Variants in APC observed in about 807,000 individuals in gnomAD.
APC encodes adenomatous polyposis coli protein.
A neutral mutation model predicts 247.0 loss-of-function variants in APC; 72 were observed. The ratio of observed to expected loss-of-function variants is 0.29; its 90% CI spans 0.24 to 0.35. The LOEUF (loss-of-function observed/expected upper bound fraction) is 0.35. Among genes scored for constraint, APC ranks in the 10% least tolerant of loss-of-function variants. The pLI is 1.00. For missense variants in APC, 3,400 were observed against 3,360.7 expected (o/e 1.01, Z -0.29); for synonymous variants, 1,254 against 1,162.5 (o/e 1.08, Z -1.60).
intron 8 of APC, among the ~76,000 whole-genome samples, chr5:112,805,578 A>G (rs1272725701): frequency 2.0e-5 from 3 of 152,238 alleles, no homozygotes; most frequent in Non-Finnish European, 4.4e-5. Context: ...AGCTATTCCC[A>G]GATCCTGATG....
intron 11 of APC, among the ~76,000 whole-genome samples, chr5:112,825,568 C>G (rs373446610): frequency 2.2e-4 from 34 of 152,260 alleles, no homozygotes; most frequent in African/African-American, 6.7e-4. Flanking sequence ...ACGCATTCAT[C>G]TGGCCAGACC....
chr5:112,823,428 TCTCA>T (rs1480046457), intron 11 of APC: 2 of 152,612 alleles, frequency 1.3e-5, no homozygotes, highest in Admixed American at 1.3e-4. Context: ...ATTACCTTCT[TCTCA>T]CTCCTCACCT....
upstream of APC, chr5:112,737,838 G>A: frequency 3.0e-6 from 3 of 985,656 alleles, no homozygotes; most frequent in Non-Finnish European, 3.6e-6. Flanking sequence ...GGGTGTGGGC[G>A]CACGTGACCG....
chr5:112,743,408 A>T (rs1753267102), intron 1 of APC, among the ~76,000 whole-genome samples: 1 of 135,336 alleles, frequency 7.4e-6, no homozygotes, highest in African/African-American at 2.6e-5. Flanking sequence ...AGGCATACTC[A>T]TCTGGTTCTC....
intron 1 of APC, among the ~76,000 whole-genome samples, chr5:112,728,071 A>AT (rs980244169): frequency 1.3e-5 from 2 of 151,558 alleles, no homozygotes; most frequent in East Asian, 1.9e-4. Flanking sequence ...ACATTATGAG[A>AT]TTTTTTTGCA....
intron 7 of APC, among the ~76,000 whole-genome samples, chr5:112,798,684 T>C (rs1481512749): frequency 6.6e-6 from 1 of 152,188 alleles, no homozygotes; most frequent in Non-Finnish European, 1.5e-5. Flanking sequence ...TTCTTTTGTC[T>C]TCAGTGTATC....
At chr5:112,761,154 C>T (rs898740770) in intron 2 of APC, among the ~76,000 whole-genome samples, 1 of 152,054 alleles carries the variant, frequency 6.6e-6, no homozygotes, top group South Asian at 2.1e-4. Flanking sequence ...GGAGATCAGA[C>T]CCCAACAATG....
intron 14 of APC, among the ~76,000 whole-genome samples, chr5:112,833,180 A>AT (rs35482005): frequency 0.013 from 1,543 of 122,190 alleles, 19 homozygotes; most frequent in African/African-American, 0.037. Flanking sequence ...TGCCTGGCTA[A>AT]TTTTTTTTTT....
chr5:112,746,144 A>G (rs984004114), intron 1 of APC, among the ~76,000 whole-genome samples: 6 of 151,686 alleles, frequency 4.0e-5, no homozygotes, highest in African/African-American at 1.5e-4. Flanking sequence ...GAGGAAAGAA[A>G]TAGTTTACTA....
At position 112,838,745 on chromosome 5, in the gene APC, A is replaced by C. The variant is rs757981620; in HGVS notation, c.3151A>C (p.Arg1051=). ...TCCTTCACAGAATGAAAGATGGGCA[A>C]GACCCAAACACATAATAGAAGATGA... The part of the protein sequence containing the change: ...QSPSQNERWA[R]PKHIIEDEIK... Residue 1051 remains arginine (R), a synonymous_variant, in exon 16 of 16, where the codon AGA becomes CGA. Transcript: ENST00000257430. The C allele has an allele frequency of 4.3e-6, 7 of 1,614,172 alleles. No homozygotes were observed. The highest frequency in any genetic ancestry group is 5.9e-6 in the Non-Finnish European group (7 of 1,180,022).
At chr5:112,768,825 AGAACACAGTCCTGTACAGTAG>A (rs1756678061) in intron 4 of APC, among the ~76,000 whole-genome samples, 8 of 152,048 alleles carry the variant, frequency 5.3e-5, no homozygotes, top group African/African-American at 1.9e-4. Context: ...ACAGTAGCGT[AGAACACAGTCCTGTACAGTAG>A]CGTAGAACAC....
chr5:112,714,901 T>A (rs1272649365), intron 1 of APC, among the ~76,000 whole-genome samples: 1 of 152,176 alleles, frequency 6.6e-6, no homozygotes, highest in Non-Finnish European at 1.5e-5. Flanking sequence ...GATAACTGTT[T>A]ATGGAATTAG....
At chr5:112,763,242 AT>A (rs201229142) in intron 2 of APC, among the ~76,000 whole-genome samples, 1 of 151,336 alleles carries the variant, frequency 6.6e-6, no homozygotes, top group African/African-American at 2.4e-5. Flanking sequence ...AAAATCAACT[AT>A]TTTTTTTTAA....
intron 1 of APC, among the ~76,000 whole-genome samples, chr5:112,710,118 T>C (rs1750765072): frequency 6.6e-6 from 1 of 152,186 alleles, no homozygotes; most frequent in Non-Finnish European, 1.5e-5. Flanking sequence ...CTTCACTTTC[T>C]GTAGACTTAC....
At chr5:112,814,721 C>A (rs758329457) in intron 8 of APC, among the ~76,000 whole-genome samples, 9 of 152,150 alleles carry the variant, frequency 5.9e-5, no homozygotes, top group Non-Finnish European at 1.3e-4. Flanking sequence ...TCCAGTGACT[C>A]CACAGCTTGA....
At chr5:112,734,795 T>TG (rs1752285799), upstream of APC, among the ~76,000 whole-genome samples, 3 of 144,986 alleles carry the variant, frequency 2.1e-5, no homozygotes, top group African/African-American at 7.7e-5. Context: ...GTGTGTGTGT[T>TG]TTTTTTTTTT....
At chr5:112,763,496 T>C (rs76113999) in intron 2 of APC, among the ~76,000 whole-genome samples, 2 of 152,152 alleles carry the variant, frequency 1.3e-5, no homozygotes, top group South Asian at 2.1e-4. Flanking sequence ...TCTGAATTTA[T>C]ATGGCTTTTT....
rs952745107 is a variant in APC, at chr5:112,844,243, G to C, written c.*117G>C. On this transcript the variant is annotated 3_prime_UTR_variant, in exon 16 of 16. Transcript: ENST00000257430. ...AATTTTGTAAATAGGTTTGATTCTT[G>C]TTAGAGGGTTTTTGTTCTGGAAGCC... is the stretch of plus-strand genomic sequence containing the variant. The C allele has an allele frequency of 7.1e-6, 7 of 979,558 alleles. No individual in the cohort carries two copies. The highest frequency in any genetic ancestry group is 1.1e-5 in the Non-Finnish European group (7 of 666,194). 60.7% of individuals were successfully genotyped at this position (979,558 alleles called of 1,614,324 possible).
chr5:112,815,536 G>C lies in APC; in HGVS notation c.876G>C (p.Leu292Phe), dbSNP rs760059672. ...TRMDHETASVLSSSSTHSAPR... is the reference protein window; with the variant it reads ...TRMDHETASVFSSSSTHSAPR... Reference sequence around the variant, plus strand: ...TGGACCATGAAACAGCCAGTGTTTTGAGTTCTAGTAGCACACACTCTGCAC... The same window carrying C: ...TGGACCATGAAACAGCCAGTGTTTTCAGTTCTAGTAGCACACACTCTGCAC... Residue 292 changes from leucine (L) to phenylalanine (F), a missense_variant, in exon 9 of 16, where the codon TTG becomes TTC. Coordinates refer to ENST00000257430, the MANE Select transcript of APC (RefSeq NM_000038.6). The C allele has an allele frequency of 6.2e-7, 1 of 1,612,416 alleles. No individual in the cohort carries two copies. Among genetic ancestry groups the C allele is most frequent in the Non-Finnish European group, 8.5e-7 (1 of 1,178,906 alleles).
Sources: allele counts gnomAD v4.1 joint callset (sites outside exome capture counted in the v4.1 genomes callset), GRCh38; gene constraint gnomAD v4.1.1; transcripts MANE v1.5; gene names NCBI Gene and HGNC (gene_info 2026-07-23, HGNC 2026-07-21).